Variants in NLGN1 observed in about 807,000 individuals in gnomAD.
NLGN1 encodes neuroligin-1.
In NLGN1, 12 loss-of-function variants were observed where a neutral mutation model predicts 65.5. The observed-to-expected ratio is 0.18, with a 90% confidence interval of 0.12 to 0.30. The LOEUF (loss-of-function observed/expected upper bound fraction) is 0.30, where lower values mean the gene tolerates loss of function less well. NLGN1 is among the 10% of genes least tolerant of loss of function. The pLI is 1.00. For synonymous variants in NLGN1, 350 were observed against 359.5 expected (o/e 0.97, Z 0.30); for missense variants, 750 against 1,007.1 (o/e 0.74, Z 3.46).
At chr3:174,282,977 C>A (rs1751716948) in exon 7 of NLGN1, 1 of 151,854 alleles carries the variant, frequency 6.6e-6, no homozygotes, top group Admixed American at 6.6e-5. Flanking sequence ...CTTGATGGAA[C>A]CAACTTTGTA....
At chr3:173,498,631 T>C (rs1576988049) in intron 2 of NLGN1, among the ~76,000 whole-genome samples, 3 of 152,010 alleles carry the variant, frequency 2.0e-5, no homozygotes, top group African/African-American at 7.3e-5. Context: ...ATCACCACAC[T>C]GACTTCCACA....
intron 4 of NLGN1, among the ~76,000 whole-genome samples, chr3:174,090,243 G>A (rs1346428816): frequency 6.6e-6 from 1 of 152,104 alleles, no homozygotes; most frequent in East Asian, 1.9e-4. Flanking sequence ...AGCTGAGGCG[G>A]GCAGATCACT....
intron 4 of NLGN1, among the ~76,000 whole-genome samples, chr3:173,949,671 A>C (rs972464273): frequency 1.3e-5 from 2 of 152,192 alleles, no homozygotes; most frequent in African/African-American, 4.8e-5. Flanking sequence ...ACTAAAAAGT[A>C]TCTGTATAAT....
At chr3:174,113,518 ACTTT>A (rs1715697186) in intron 4 of NLGN1, among the ~76,000 whole-genome samples, 1 of 152,072 alleles carries the variant, frequency 6.6e-6, no homozygotes, top group Non-Finnish European at 1.5e-5. Flanking sequence ...TAGAACTATA[ACTTT>A]CTTATCATTC....
intron 4 of NLGN1, among the ~76,000 whole-genome samples, chr3:174,143,146 G>A (rs968989628): frequency 9.2e-5 from 14 of 152,020 alleles, no homozygotes; most frequent in African/African-American, 3.4e-4. Context: ...CTCCCACCAG[G>A]CCCCACCTCC....
intron 1 of NLGN1, among the ~76,000 whole-genome samples, chr3:173,422,572 T>C (rs762160375): frequency 6.6e-6 from 1 of 152,242 alleles, no homozygotes; most frequent in Non-Finnish European, 1.5e-5. Flanking sequence ...ATGGCTGTAC[T>C]AATTTACATT....
intron 4 of NLGN1, among the ~76,000 whole-genome samples, chr3:174,056,896 A>T (rs1015063159): frequency 6.6e-5 from 10 of 151,954 alleles, no homozygotes; most frequent in Admixed American, 2.6e-4. Context: ...TTTATAATCT[A>T]ACTTTTAAGC....
chr3:173,440,385 A>C (rs930864891), intron 2 of NLGN1, among the ~76,000 whole-genome samples: 5 of 152,148 alleles, frequency 3.3e-5, no homozygotes, highest in African/African-American at 1.2e-4. Context: ...GGCACCTAGG[A>C]TGGTAAATCT....
At chr3:173,738,631 C>T (rs572843376) in intron 3 of NLGN1, among the ~76,000 whole-genome samples, 2 of 152,146 alleles carry the variant, frequency 1.3e-5, no homozygotes, top group South Asian at 4.1e-4. Flanking sequence ...ACCACACAAT[C>T]ATGATTACTG....
intron 4 of NLGN1, among the ~76,000 whole-genome samples, chr3:174,094,995 A>G (rs1348931878): frequency 6.6e-6 from 1 of 152,138 alleles, no homozygotes; most frequent in African/African-American, 2.4e-5. Context: ...AATGCACTGT[A>G]TACTGCCATT....
chr3:174,015,436 A>G (rs542865507), intron 4 of NLGN1, among the ~76,000 whole-genome samples: 37 of 152,192 alleles, frequency 2.4e-4, no homozygotes, highest in Non-Finnish European at 4.7e-4. Flanking sequence ...AGATAGAGAA[A>G]TCAAGCTCTC....
chr3:173,630,206 T>G (rs1352028639), intron 3 of NLGN1, among the ~76,000 whole-genome samples: 1 of 152,158 alleles, frequency 6.6e-6, no homozygotes, highest in Non-Finnish European at 1.5e-5. Context: ...TGTTTGACAT[T>G]CTTTCCAAGG....
At chr3:173,436,285 T>C (rs1227273131) in intron 2 of NLGN1, among the ~76,000 whole-genome samples, 3 of 152,210 alleles carry the variant, frequency 2.0e-5, no homozygotes, top group Non-Finnish European at 4.4e-5. Flanking sequence ...TATTTCCCAA[T>C]ATTAAAATTA....
chr3:173,926,130 A>T (rs548110354), intron 4 of NLGN1, among the ~76,000 whole-genome samples: 141 of 152,104 alleles, frequency 9.3e-4, no homozygotes, highest in African/African-American at 1.1e-3. Flanking sequence ...GATTTTTTTT[A>T]AAATACTTTT....
At chr3:174,206,526 C>T (rs1021081980) in intron 4 of NLGN1, among the ~76,000 whole-genome samples, 3 of 152,320 alleles carry the variant, frequency 2.0e-5, no homozygotes, top group Admixed American at 6.5e-5. Flanking sequence ...CCAGCCAAGA[C>T]AAGGAAAGAG....
At chr3:173,643,863 C>A (rs569429933) in intron 3 of NLGN1, among the ~76,000 whole-genome samples, 1 of 152,256 alleles carries the variant, frequency 6.6e-6, no homozygotes, top group African/African-American at 2.4e-5. Flanking sequence ...ATCATGTGCA[C>A]TGGTACAGGT....
intron 4 of NLGN1, among the ~76,000 whole-genome samples, chr3:173,904,091 G>A (rs772623330): frequency 1.3e-5 from 2 of 152,024 alleles, no homozygotes; most frequent in South Asian, 2.1e-4. Flanking sequence ...CAACTTACAC[G>A]ACTGTGGGCT....
At chr3:173,582,793 A>G (rs1178130036) in intron 2 of NLGN1, among the ~76,000 whole-genome samples, 1 of 151,752 alleles carries the variant, frequency 6.6e-6, no homozygotes, top group Non-Finnish European at 1.5e-5. Context: ...TTCTTTATGG[A>G]CTTTGGCTTT....
chr3:173,635,497 C>T (rs1313752156), intron 3 of NLGN1, among the ~76,000 whole-genome samples: 1 of 151,970 alleles, frequency 6.6e-6, no homozygotes, highest in African/African-American at 2.4e-5. Context: ...TTCTGTTTGT[C>T]GAAAGAGAAA....
Sources: gnomAD v4.1 joint callset for allele counts (sites outside exome capture counted in the v4.1 genomes callset) on GRCh38, gnomAD v4.1.1 for gene constraint, MANE v1.5 for transcripts, NCBI Gene and HGNC (gene_info 2026-07-23, HGNC 2026-07-21) for gene names.